LAMA2: variants seen among roughly 807,000 people sequenced by gnomAD.
LAMA2 encodes laminin subunit alpha 2.
A neutral mutation model predicts 364.8 loss-of-function variants in LAMA2; 269 were observed. The observed-to-expected ratio is 0.74, with a 90% CI of 0.67 to 0.82. LAMA2 has a LOEUF of 0.82. LAMA2 is among the 40% of genes least tolerant of loss of function. The pLI, the probability that LAMA2 is intolerant of heterozygous loss-of-function variation, is 0.00. For missense variants in LAMA2, 3,807 were observed against 3,873.2 expected (o/e 0.98, Z 0.45); for synonymous variants, 1,379 against 1,370.6 (o/e 1.01, Z -0.14).
At chr6:129,314,859 A>T in intron 24 of LAMA2, 61 bp downstream of exon 24, 1 of 1,573,402 alleles carries the variant, frequency 6.4e-7, no homozygotes, top group East Asian at 2.2e-5. Context: ...GGTGTCTTTT[A>T]GTCAGGCACT....
chr6:129,273,948 A>G (rs1788114800), intron 17 of LAMA2, among the ~76,000 whole-genome samples: 1 of 151,676 alleles, frequency 6.6e-6, no homozygotes, highest in African/African-American at 2.4e-5. Context: ...AAATATTAAA[A>G]TTAGCAAATT....
intron 27 of LAMA2, among the ~76,000 whole-genome samples, chr6:129,320,224 G>A (rs1041044682): frequency 1.3e-5 from 2 of 152,032 alleles, no homozygotes; most frequent in Non-Finnish European, 2.9e-5. Context: ...TCATTGTAAA[G>A]GTCTTCATCC....
At position 129,287,833 on chromosome 6, in the gene LAMA2, A is replaced by G; in HGVS notation, c.2538-14A>G. The G allele has an allele frequency of 6.2e-7, 1 of 1,611,196 alleles. No homozygotes were observed. Among genetic ancestry groups the G allele is most frequent in the South Asian group, 1.1e-5 (1 of 91,028 alleles). ...GTCCCCCCAAAGGCTCACTGATGAA[A>G]TTTCTTGCCTTAGGTGTGCAGAAGG... On this transcript the variant is annotated splice_polypyrimidine_tract_variant and intron_variant, in intron 18 of 64. Transcript: ENST00000421865.
intron 1 of LAMA2, among the ~76,000 whole-genome samples, chr6:128,988,000 G>T (rs1317256569): frequency 6.6e-6 from 1 of 152,062 alleles, no homozygotes; most frequent in Non-Finnish European, 1.5e-5. Flanking sequence ...AAATAGCTGG[G>T]ATTACAGGCA....
At chr6:129,351,863 C>A (rs902739493) in intron 31 of LAMA2, among the ~76,000 whole-genome samples, 11 of 152,098 alleles carry the variant, frequency 7.2e-5, no homozygotes, top group Non-Finnish European at 1.3e-4. Context: ...AAAAAATAAT[C>A]AAAAACATGA....
chr6:128,914,079 G>T lies in LAMA2; in HGVS notation c.112+30722G>T, dbSNP rs559898803. 2.6e-5 allele frequency among the ~76,000 whole-genome samples: 4 copies of T among 152,132 alleles called. No homozygotes were observed. The South Asian group carries it at 6.2e-4, about 24-fold the overall frequency. ...TCCCTTATCCATTTTTTTCCTCAAG[G>T]TTATTAACAGAAATTATTTCCAACA... On this transcript the variant is annotated intron_variant, in intron 1 of 64. Transcript: ENST00000421865.
intron 7 of LAMA2, 111 bp downstream of exon 7, chr6:129,149,207 A>G: frequency 1.3e-6 from 1 of 761,502 alleles, no homozygotes; most frequent in Non-Finnish European, 2.4e-6. Flanking sequence ...ACAAATACTC[A>G]TTTATATTAT....
intron 40 of LAMA2, among the ~76,000 whole-genome samples, chr6:129,413,768 AC>A (rs1780652683): frequency 2.0e-5 from 3 of 152,198 alleles, no homozygotes; most frequent in Admixed American, 6.5e-5. Flanking sequence ...ATAAAGTGGT[AC>A]CAACAGGAAA....
intron 42 of LAMA2, among the ~76,000 whole-genome samples, chr6:129,440,010 C>G (rs1027036125): frequency 6.6e-6 from 1 of 151,884 alleles, no homozygotes; most frequent in African/African-American, 2.4e-5. Context: ...TAAGTTAGCA[C>G]TAACACTTAA....
intron 1 of LAMA2, among the ~76,000 whole-genome samples, chr6:128,945,987 T>TCC (rs1381200903): frequency 3.9e-5 from 6 of 152,216 alleles, no homozygotes; most frequent in Admixed American, 3.9e-4. Flanking sequence ...GAGCTTTTCC[T>TCC]GCTCTTGAAG....
intron 34 of LAMA2, among the ~76,000 whole-genome samples, chr6:129,376,340 C>A (rs1778373666): frequency 6.6e-6 from 1 of 152,190 alleles, no homozygotes; most frequent in Admixed American, 6.5e-5. Flanking sequence ...CTCTACTACC[C>A]CACTCTCATC....
chr6:129,092,127 A>G (rs1774874795), intron 3 of LAMA2, among the ~76,000 whole-genome samples: 1 of 152,064 alleles, frequency 6.6e-6, no homozygotes, highest in African/African-American at 2.4e-5. Context: ...TGCTGCAGCT[A>G]CTCAGTACTT....
intron 12 of LAMA2, among the ~76,000 whole-genome samples, chr6:129,228,124 C>T (rs909950663): frequency 5.9e-5 from 9 of 152,188 alleles, no homozygotes; most frequent in Non-Finnish European, 1.0e-4. Context: ...TGGGACCCTC[C>T]GAGCCAGGTG....
At chr6:129,312,832 A>T in intron 22 of LAMA2, 29 bp from the exon 23 acceptor site, 1 of 1,452,950 alleles carries the variant, frequency 6.9e-7, no homozygotes, top group Non-Finnish European at 9.7e-7. Flanking sequence ...AAGTTGTGTT[A>T]ATGGTTGCTG....
At chr6:129,356,836 A>G (rs930277139) in intron 32 of LAMA2, among the ~76,000 whole-genome samples, 2 of 152,124 alleles carry the variant, frequency 1.3e-5, no homozygotes, top group South Asian at 4.1e-4. Flanking sequence ...GACTCCTCTA[A>G]GATTTAAAAC....
intron 12 of LAMA2, among the ~76,000 whole-genome samples, chr6:129,239,559 TG>T (rs1401767867): frequency 6.6e-6 from 1 of 152,204 alleles, no homozygotes; most frequent in African/African-American, 2.4e-5. Context: ...TCTAGTCCAA[TG>T]TCTCAGCAGA....
chr6:129,272,464 C>T (rs1043312491), intron 17 of LAMA2, among the ~76,000 whole-genome samples: 31 of 152,162 alleles, frequency 2.0e-4, no homozygotes, highest in African/African-American at 2.9e-4. Context: ...TATTAACCTG[C>T]TCAGAGTCAT....
At chr6:129,382,745 C>G in intron 34 of LAMA2, among the ~76,000 whole-genome samples, 1 of 152,226 alleles carries the variant, frequency 6.6e-6, no homozygotes. Context: ...GCACTCCACA[C>G]ACTTTTTCAG....
chr6:129,129,484 T>C (rs915154419), intron 4 of LAMA2, among the ~76,000 whole-genome samples: 15 of 152,208 alleles, frequency 9.9e-5, no homozygotes, highest in Non-Finnish European at 1.9e-4. Context: ...AATCATTTCC[T>C]CTCTTTTTAT....
Sources: gnomAD v4.1 joint callset for allele counts (sites outside exome capture counted in the v4.1 genomes callset) on GRCh38, gnomAD v4.1.1 for gene constraint, MANE v1.5 for transcripts, NCBI Gene and HGNC (gene_info 2026-07-23, HGNC 2026-07-21) for gene names.